The following SLC25A21 variants were observed in gnomAD, a reference collection of about 807,000 sequenced individuals.
The protein encoded by SLC25A21 is solute carrier family 25 member 21, also known as mitochondrial 2-oxodicarboxylate carrier.
In SLC25A21, 47 loss-of-function variants were observed where a neutral mutation model predicts 43.8. The ratio of observed to expected loss-of-function variants is 1.07; its 90% confidence interval spans 0.85 to 1.37. SLC25A21 has a LOEUF of 1.37. Among genes scored for constraint, SLC25A21 ranks in the 40% most tolerant of loss-of-function variants. The pLI, the probability that SLC25A21 is intolerant of heterozygous loss-of-function variation, is 0.00. For synonymous variants in SLC25A21, 131 were observed against 121.3 expected, an observed-to-expected ratio of 1.08 and a Z score of -0.52; for missense variants, 352 against 350.2, an observed-to-expected ratio of 1.00 and a Z score of -0.04.
chr14:36,727,419 G>C lies in SLC25A21; in HGVS notation c.331-1742C>G, dbSNP rs566614243. ...AAAGGAAGAATGGGCCAGGTGCAAT[G>C]GCTCACGCCTGTAATCCCAGCACTT... On this transcript the variant is annotated intron_variant, in intron 5 of 9. Coordinates refer to ENST00000331299, the MANE Select transcript of SLC25A21 (RefSeq NM_030631.4). Among the ~76,000 whole-genome samples, 32 of 152,376 alleles carry C rather than the reference G, an allele frequency of 2.1e-4. 1 individual carries two copies. In the South Asian group the frequency reaches 6.4e-3, roughly 31 times the overall value.
chr14:36,989,686 C>CT (rs1435341617), intron 1 of SLC25A21, among the ~76,000 whole-genome samples: 2 of 152,080 alleles, frequency 1.3e-5, no homozygotes, highest in Non-Finnish European at 2.9e-5. Flanking sequence ...TTGGGAAACA[C>CT]TGAGTCCTAA....
chr14:37,056,690 G>A (rs1049631664), intron 1 of SLC25A21, among the ~76,000 whole-genome samples: 6 of 152,086 alleles, frequency 3.9e-5, no homozygotes, highest in Non-Finnish European at 7.4e-5. Flanking sequence ...ACCCTGCTGT[G>A]CACTGACCTC....
intron 1 of SLC25A21, 105 bp from the exon 2 acceptor site, chr14:36,875,109 G>T: frequency 1.2e-6 from 1 of 810,662 alleles, no homozygotes; most frequent in Non-Finnish European, 2.0e-6. Flanking sequence ...TAAAGAACTT[G>T]GGACTTCGGA....
At chr14:37,106,267 T>C (rs538890267) in intron 1 of SLC25A21, among the ~76,000 whole-genome samples, 1 of 152,278 alleles carries the variant, frequency 6.6e-6, no homozygotes, top group South Asian at 2.1e-4. Context: ...TTTTTCTTCT[T>C]GCAGAAAGCC....
At chr14:37,145,198 T>C (rs375694614) in intron 1 of SLC25A21, among the ~76,000 whole-genome samples, 27 of 151,974 alleles carry the variant, frequency 1.8e-4, no homozygotes, top group African/African-American at 6.5e-4. Context: ...AGTATTAGAG[T>C]TGGGATCTGG....
chr14:36,742,106 A>T (rs1484049244), intron 3 of SLC25A21, among the ~76,000 whole-genome samples: 2 of 152,176 alleles, frequency 1.3e-5, no homozygotes, highest in Non-Finnish European at 2.9e-5. Context: ...TGGCAACATG[A>T]CCAACCCAAA....
intron 1 of SLC25A21, among the ~76,000 whole-genome samples, chr14:37,135,605 C>T (rs1444712305): frequency 6.6e-6 from 1 of 152,180 alleles, no homozygotes; most frequent in Admixed American, 6.5e-5. Flanking sequence ...TATTGGACCA[C>T]CTCCATTCCA....
At chr14:37,151,254 G>T (rs554794632) in intron 1 of SLC25A21, among the ~76,000 whole-genome samples, 2 of 152,266 alleles carry the variant, frequency 1.3e-5, no homozygotes, top group Admixed American at 6.5e-5. Context: ...CTCTTGGGTT[G>T]CTCTCACTCT....
At chr14:36,842,155 C>G (rs1017334085) in intron 2 of SLC25A21, among the ~76,000 whole-genome samples, 1 of 152,342 alleles carries the variant, frequency 6.6e-6, no homozygotes, top group East Asian at 1.9e-4. Context: ...CAATAGACAT[C>G]TGATTCAATG....
At chr14:37,113,872 AAAT>A (rs1963063159) in intron 1 of SLC25A21, among the ~76,000 whole-genome samples, 1 of 150,426 alleles carries the variant, frequency 6.6e-6, no homozygotes, top group South Asian at 2.1e-4. Flanking sequence ...AAAAAAAAAG[AAAT>A]AATAATGTTA....
intron 1 of SLC25A21, among the ~76,000 whole-genome samples, chr14:37,052,820 T>C (rs1042615996): frequency 5.9e-5 from 9 of 152,062 alleles, no homozygotes; most frequent in Non-Finnish European, 1.3e-4. Flanking sequence ...TGTATTTTAG[T>C]AGAGATGGGG....
At chr14:36,811,162 C>T (rs890862128) in intron 3 of SLC25A21, among the ~76,000 whole-genome samples, 1 of 152,026 alleles carries the variant, frequency 6.6e-6, no homozygotes, top group Non-Finnish European at 1.5e-5. Flanking sequence ...GCTCTGCACA[C>T]CATGACAAGA....
At chr14:36,685,071 G>T (rs548324146) in intron 7 of SLC25A21, 146 bp from the exon 8 acceptor site, 11 of 583,850 alleles carry the variant, frequency 1.9e-5, no homozygotes, top group African/African-American at 1.9e-4. Flanking sequence ...GGATTTCCTA[G>T]GCTGGAACTT....
chr14:37,019,006 G>A (rs543414390), intron 1 of SLC25A21, among the ~76,000 whole-genome samples: 4 of 152,046 alleles, frequency 2.6e-5, no homozygotes, highest in Admixed American at 2.6e-4. Context: ...TCCATCCTCT[G>A]CAATTGCATC....
At chr14:36,765,240 A>G (rs1325600171) in intron 3 of SLC25A21, among the ~76,000 whole-genome samples, 1 of 152,196 alleles carries the variant, frequency 6.6e-6, no homozygotes, top group Non-Finnish European at 1.5e-5. Flanking sequence ...GGAGGATGAG[A>G]CTTCATGTGG....
chr14:37,056,762 A>T (rs1961839149), intron 1 of SLC25A21, among the ~76,000 whole-genome samples: 1 of 152,190 alleles, frequency 6.6e-6, no homozygotes. Flanking sequence ...TTATTTTTAC[A>T]TACAAGGGGC....
At chr14:36,879,953 A>C (rs188382005) in intron 1 of SLC25A21, among the ~76,000 whole-genome samples, 1 of 152,280 alleles carries the variant, frequency 6.6e-6, no homozygotes, top group Admixed American at 6.6e-5. Context: ...ACACATGTAC[A>C]TATACTTCTG....
At chr14:36,991,603 C>T (rs1319546436) in intron 1 of SLC25A21, among the ~76,000 whole-genome samples, 3 of 152,138 alleles carry the variant, frequency 2.0e-5, no homozygotes, top group Non-Finnish European at 4.4e-5. Context: ...ATTATTATTT[C>T]CATGTTATAG....
intron 4 of SLC25A21, 100 bp downstream of exon 4, chr14:36,734,407 G>A: frequency 1.4e-6 from 1 of 734,272 alleles, no homozygotes; most frequent in Non-Finnish European, 2.0e-6. Flanking sequence ...AAAATTTTTA[G>A]TGCTTTATAT....
Sources: allele counts gnomAD v4.1 joint callset (sites outside exome capture counted in the v4.1 genomes callset), GRCh38; gene constraint gnomAD v4.1.1; transcripts MANE v1.5; gene names NCBI Gene and HGNC (gene_info 2026-07-23, HGNC 2026-07-21).